The following DSCAML1 variants were observed in gnomAD, a reference collection of about 807,000 sequenced individuals.
DSCAML1 encodes DS cell adhesion molecule like 1.
A neutral mutation model predicts 200.5 loss-of-function variants in DSCAML1; 38 were observed. The observed-to-expected ratio is 0.19, with a 90% confidence interval of 0.15 to 0.25. DSCAML1 has a LOEUF of 0.25. Among genes scored for constraint, DSCAML1 ranks in the 10% least tolerant of loss-of-function variants. The pLI, the probability that DSCAML1 is intolerant of heterozygous loss-of-function variation, is 1.00. For synonymous variants in DSCAML1, 1,215 were observed against 1,165.0 expected, an observed-to-expected ratio of 1.04 and a Z score of -0.87; for missense variants, 2,223 against 2,858.8, an observed-to-expected ratio of 0.78 and a Z score of 5.07.
At chr11:117,747,378 C>T (rs1333211632) in intron 3 of DSCAML1, among the ~76,000 whole-genome samples, 9 of 152,124 alleles carry the variant, frequency 5.9e-5, no homozygotes, top group African/African-American at 9.7e-5. Context: ...CTGAAGGTCC[C>T]GATGCACAGC....
rs566486884 is a variant in DSCAML1 at position 117,689,707 on chromosome 11, C to T, written c.511+87084G>A. Among the ~76,000 whole-genome samples, 17 of 152,322 alleles carry T rather than the reference C, an allele frequency of 1.1e-4. No individual in the cohort carries two copies. In the South Asian group the frequency reaches 3.3e-3, roughly 30 times the overall value. On this transcript the variant is annotated intron_variant, in intron 3 of 32. Coordinates refer to ENST00000651296, the MANE Select transcript of DSCAML1 (RefSeq NM_020693.4). ...GAGGAACCCAAGGGGGTCCCACACC[C>T]TCCTGGAGCTTCCCTGACTGCTGGA...
chr11:117,664,468 C>T lies in DSCAML1; in HGVS notation c.511+112323G>A, dbSNP rs538851981. On this transcript the variant is annotated intron_variant, in intron 3 of 32. Transcript: ENST00000651296. ...TGTGACAGAGATCAAGTCACATCAT[C>T]TCAAGGAGGCTCAGTTCCCCTTTCT... 2.4e-4 allele frequency among the ~76,000 whole-genome samples: 36 copies of T among 152,326 alleles called. 1 individual carries two copies. The South Asian group carries it at 6.6e-3, about 28-fold the overall frequency.
At chr11:117,730,347 G>A (rs1175390536) in intron 3 of DSCAML1, among the ~76,000 whole-genome samples, 1 of 152,124 alleles carries the variant, frequency 6.6e-6, no homozygotes, top group Non-Finnish European at 1.5e-5. Flanking sequence ...AGTTGGAAAA[G>A]GCAAAGAAAC....
At chr11:117,509,059 ACTTCAGCTACAGACGGAGCCTCGGGGAG>A (rs1488959942) in intron 8 of DSCAML1, among the ~76,000 whole-genome samples, 4 of 152,116 alleles carry the variant, frequency 2.6e-5, no homozygotes, top group African/African-American at 9.7e-5. Context: ...GTAGAAACAC[ACTTCAGCTACAGACGGAGCCTCGGGGAG>A]CTTCTCGTTT....
chr11:117,534,712 C>T (rs896365410), intron 3 of DSCAML1, among the ~76,000 whole-genome samples: 9 of 152,128 alleles, frequency 5.9e-5, no homozygotes, highest in Non-Finnish European at 7.4e-5. Flanking sequence ...TGGGCTCAAG[C>T]GATCCTCGCA....
At chr11:117,467,647 C>T (rs2048610797) in intron 16 of DSCAML1, among the ~76,000 whole-genome samples, 2 of 150,798 alleles carry the variant, frequency 1.3e-5, no homozygotes, top group African/African-American at 2.4e-5. Flanking sequence ...GTTTAATTGA[C>T]TTTACTCTTT....
chr11:117,706,136 C>T (rs1198780010), intron 3 of DSCAML1, among the ~76,000 whole-genome samples: 1 of 152,208 alleles, frequency 6.6e-6, no homozygotes, highest in South Asian at 2.1e-4. Flanking sequence ...CATCTCCTCA[C>T]ACCAATCCGG....
At chr11:117,804,894 G>C (rs893194254) in intron 1 of DSCAML1, among the ~76,000 whole-genome samples, 15 of 152,050 alleles carry the variant, frequency 9.9e-5, no homozygotes, top group African/African-American at 3.1e-4. Context: ...TTGTACCACT[G>C]TGCTCCAGAC....
At chr11:117,778,896 C>A (rs568732214) in intron 2 of DSCAML1, among the ~76,000 whole-genome samples, 4 of 152,310 alleles carry the variant, frequency 2.6e-5, no homozygotes, top group Middle Eastern at 3.4e-3. Flanking sequence ...CATGGGGAGC[C>A]CAGGGAGAAA....
At chr11:117,582,204 G>GAA (rs2051051286) in intron 3 of DSCAML1, among the ~76,000 whole-genome samples, 1 of 152,242 alleles carries the variant, frequency 6.6e-6, no homozygotes, top group Non-Finnish European at 1.5e-5. Context: ...TTCAGCTGCT[G>GAA]CTTTGTGGAT....
chr11:117,490,505 A>AC lies in DSCAML1; in HGVS notation c.2360-8344dup, dbSNP rs569082497. ...TGCTCCTACTTGGCCCCTACTTAGC[A>AC]CCCCCAGATCCCCGCTTCCACTGGG... On this transcript the variant is annotated intron_variant, in intron 11 of 32. Transcript: ENST00000651296. 1.7e-3 allele frequency among the ~76,000 whole-genome samples: 257 copies of AC among 151,898 alleles called. 4 individuals are homozygous for AC. Among genetic ancestry groups the AC allele is most frequent in the Admixed American group, 0.015 (236 of 15,252 alleles).
chr11:117,432,213 C>T (rs1241947931), intron 30 of DSCAML1, 139 bp downstream of exon 30: 3 of 1,009,312 alleles, frequency 3.0e-6, no homozygotes, highest in Non-Finnish European at 4.2e-6. Context: ...TCCAGACGCT[C>T]ATTCCAGTGC....
At chr11:117,429,781 C>G (rs1026659201) in intron 32 of DSCAML1, among the ~76,000 whole-genome samples, 2 of 152,228 alleles carry the variant, frequency 1.3e-5, no homozygotes, top group Non-Finnish European at 2.9e-5. Context: ...CCTCTTCCCC[C>G]GGGGAGCTGG....
intron 3 of DSCAML1, among the ~76,000 whole-genome samples, chr11:117,776,418 C>A (rs1295761503): frequency 6.6e-6 from 1 of 152,092 alleles, no homozygotes; most frequent in African/African-American, 2.4e-5. Flanking sequence ...GCCTCTCATT[C>A]CTCCTCCCCT....
chr11:117,566,450 C>T (rs1368057415), intron 3 of DSCAML1, among the ~76,000 whole-genome samples: 9 of 151,528 alleles, frequency 5.9e-5, no homozygotes. Flanking sequence ...TGGGCTCAGG[C>T]GATCCTCCCA....
intron 3 of DSCAML1, among the ~76,000 whole-genome samples, chr11:117,651,833 C>G (rs1275985437): frequency 3.3e-5 from 5 of 151,272 alleles, no homozygotes; most frequent in African/African-American, 1.2e-4. Context: ...CCCTTCAAGA[C>G]AGATGTCATC....
In DSCAML1 at chr11:117,503,763, A is replaced by C; in HGVS notation, c.2359+82T>G. 6.9e-7 allele frequency: 1 copy of C among 1,449,304 alleles called. No individual in the cohort carries two copies. The highest frequency in any genetic ancestry group is 9.4e-7 in the Non-Finnish European group (1 of 1,069,120). 89.8% of individuals were successfully genotyped at this position (1,449,304 alleles called of 1,614,324 possible). ...CTTCATAGATGAAACGACGGAGACT[A>C]AGAGAGTAGGCAGGGAGAGTGCAGA... On this transcript the variant is annotated intron_variant, in intron 11 of 32. Coordinates refer to ENST00000651296, the MANE Select transcript of DSCAML1 (RefSeq NM_020693.4). This position sits in a 1 kb window ranked among gnomAD's most constrained non-coding sequence, Gnocchi z 5.2.
At chr11:117,430,281 C>G (rs928326611) in intron 32 of DSCAML1, among the ~76,000 whole-genome samples, 1 of 152,180 alleles carries the variant, frequency 6.6e-6, no homozygotes, top group Non-Finnish European at 1.5e-5. Context: ...GGATTAAATT[C>G]AAACAGCATT....
At chr11:117,561,748 T>C (rs2050667346) in intron 3 of DSCAML1, among the ~76,000 whole-genome samples, 1 of 152,232 alleles carries the variant, frequency 6.6e-6, no homozygotes, top group African/African-American at 2.4e-5. Flanking sequence ...AAGGGCAGGA[T>C]GCCCCTCGTA....
Sources: gnomAD v4.1 joint callset for allele counts (sites outside exome capture counted in the v4.1 genomes callset) on GRCh38, gnomAD v4.1.1 for gene constraint, Gnocchi (gnomAD v3.1) non-coding constraint, MANE v1.5 for transcripts, NCBI Gene and HGNC (gene_info 2026-07-23, HGNC 2026-07-21) for gene names.